The following SLC2A13 variants were observed in gnomAD, a reference collection of about 807,000 sequenced individuals.
SLC2A13 encodes proton myo-inositol cotransporter.
SLC2A13 carries 32 observed loss-of-function variants against 64.4 expected under a neutral mutation model. That is an observed-to-expected ratio of 0.50 (90% CI 0.37 to 0.67). The LOEUF (loss-of-function observed/expected upper bound fraction) is 0.67. SLC2A13 is among the 30% of genes least tolerant of loss of function. SLC2A13 has a pLI of 0.00. For synonymous variants in SLC2A13, 338 were observed against 327.1 expected (o/e 1.03, Z -0.36); for missense variants, 743 against 829.2 (o/e 0.90, Z 1.28).
intron 7 of SLC2A13, among the ~76,000 whole-genome samples, chr12:39,765,107 T>C (rs1485452294): frequency 1.3e-5 from 2 of 152,080 alleles, no homozygotes; most frequent in Non-Finnish European, 2.9e-5. Flanking sequence ...AAATTAGACA[T>C]GATTTCTAAT....
At chr12:40,063,690 C>T (rs1055078756) in intron 1 of SLC2A13, among the ~76,000 whole-genome samples, 1 of 152,054 alleles carries the variant, frequency 6.6e-6, no homozygotes, top group Admixed American at 6.6e-5. Flanking sequence ...TATTTATAAC[C>T]GGAAGAATGA....
At chr12:39,956,581 G>A (rs1202345623) in intron 3 of SLC2A13, among the ~76,000 whole-genome samples, 4 of 152,050 alleles carry the variant, frequency 2.6e-5, no homozygotes, top group Non-Finnish European at 4.4e-5. Flanking sequence ...AATATTCAAA[G>A]AGCATGATAT....
At chr12:39,816,129 T>C (rs1942332583) in intron 7 of SLC2A13, among the ~76,000 whole-genome samples, 1 of 152,222 alleles carries the variant, frequency 6.6e-6, no homozygotes, top group Non-Finnish European at 1.5e-5. Context: ...AACTAGAATT[T>C]GCCTATTCCT....
chr12:39,927,003 A>ACC (rs1945742218), intron 4 of SLC2A13, among the ~76,000 whole-genome samples: 2 of 152,210 alleles, frequency 1.3e-5, no homozygotes, highest in African/African-American at 2.4e-5. Context: ...AAGCTGGACA[A>ACC]TTGATAAAGC....
rs11173440 is a variant in SLC2A13, at chr12:39,755,580, G to T, written c.*4446C>A. ...GTCTCTTCTTTTTTAACCTTTAAAT[G>T]AGATGGAATAATGTTGTTTGCTAAA... On this transcript the variant is annotated 3_prime_UTR_variant, in exon 10 of 10. Transcript: ENST00000280871. The T allele has an allele frequency of 0.13, 20,334 of 151,924 alleles. 1,643 individuals are homozygous for T. Among genetic ancestry groups the T allele is most frequent in the East Asian group, 0.39 (2,055 of 5,284 alleles). 9.4% of individuals were successfully genotyped at this position (151,924 alleles called of 1,614,324 possible). A position where few individuals can be genotyped will look rare whatever the true frequency, so the allele number is the denominator to read the frequency against.
At chr12:40,058,264 C>T (rs937573776) in intron 1 of SLC2A13, among the ~76,000 whole-genome samples, 2 of 151,962 alleles carry the variant, frequency 1.3e-5, no homozygotes, top group Non-Finnish European at 1.5e-5. Flanking sequence ...GTCAGTTTTC[C>T]AATGTTTGAG....
chr12:40,079,548 G>A (rs142311376), intron 1 of SLC2A13, among the ~76,000 whole-genome samples: 2 of 152,300 alleles, frequency 1.3e-5, no homozygotes, highest in East Asian at 3.9e-4. Flanking sequence ...TAGAGTATGT[G>A]CCATGTGCAG....
At chr12:39,827,044 G>A (rs1468141031) in intron 7 of SLC2A13, among the ~76,000 whole-genome samples, 8 of 150,664 alleles carry the variant, frequency 5.3e-5, no homozygotes, top group South Asian at 2.1e-4. Flanking sequence ...TTTTGCACCA[G>A]CCTGATACTC....
chr12:39,895,926 G>GTATGCA (rs1565526803), intron 4 of SLC2A13, among the ~76,000 whole-genome samples: 27 of 136,624 alleles, frequency 2.0e-4, no homozygotes, highest in African/African-American at 6.5e-4. Context: ...GCATATATGT[G>GTATGCA]TATATGTGTA....
At chr12:39,785,032 T>G (rs1419807204) in intron 7 of SLC2A13, among the ~76,000 whole-genome samples, 1 of 152,140 alleles carries the variant, frequency 6.6e-6, no homozygotes, top group African/African-American at 2.4e-5. Context: ...CCTTATGATG[T>G]AGTAGAATAG....
At chr12:39,774,266 A>T (rs1940691421) in intron 7 of SLC2A13, among the ~76,000 whole-genome samples, 1 of 152,168 alleles carries the variant, frequency 6.6e-6, no homozygotes, top group African/African-American at 2.4e-5. Context: ...GAGATTTAGG[A>T]TGGTGTAAAT....
At chr12:40,004,536 G>A (rs779162215) in intron 3 of SLC2A13, among the ~76,000 whole-genome samples, 1 of 151,930 alleles carries the variant, frequency 6.6e-6, no homozygotes, top group Non-Finnish European at 1.5e-5. Context: ...TGGTATCTGA[G>A]GCGTATCCTG....
intron 7 of SLC2A13, among the ~76,000 whole-genome samples, chr12:39,827,680 C>A (rs11173764): frequency 0.083 from 12,570 of 152,030 alleles, 688 homozygotes; most frequent in Non-Finnish European, 0.1. Context: ...TAGAAGTCTG[C>A]TAAATAATTT....
chr12:40,012,731 C>T (rs1226866986), intron 3 of SLC2A13, among the ~76,000 whole-genome samples: 1 of 152,156 alleles, frequency 6.6e-6, no homozygotes, highest in Non-Finnish European at 1.5e-5. Flanking sequence ...ACACTGCTTC[C>T]AAAACACAAG....
At chr12:39,814,413 C>G (rs1317560395) in intron 7 of SLC2A13, among the ~76,000 whole-genome samples, 1 of 152,140 alleles carries the variant, frequency 6.6e-6, no homozygotes, top group Non-Finnish European at 1.5e-5. Context: ...AAGAACAACA[C>G]AAGAAGGCTT....
At chr12:39,843,305 GA>G (rs1261410115) in intron 6 of SLC2A13, among the ~76,000 whole-genome samples, 1 of 151,938 alleles carries the variant, frequency 6.6e-6, no homozygotes, top group Non-Finnish European at 1.5e-5. Context: ...GTTAATTGAA[GA>G]ATTTTATCAT....
chr12:39,786,403 GA>G, intron 7 of SLC2A13, among the ~76,000 whole-genome samples: 1 of 1,340 alleles, frequency 7.5e-4, no homozygotes, highest in Non-Finnish European at 1.9e-3. Context: ...CAGCCATGTG[GA>G]ACTGTGAGTC....
At chr12:40,043,965 A>T (rs1948134338) in intron 2 of SLC2A13, among the ~76,000 whole-genome samples, 1 of 152,230 alleles carries the variant, frequency 6.6e-6, no homozygotes, top group East Asian at 1.9e-4. Flanking sequence ...TACAGTTATC[A>T]TATGACCTAG....
chr12:40,023,511 A>T (rs1947756131), intron 3 of SLC2A13, among the ~76,000 whole-genome samples: 1 of 152,360 alleles, frequency 6.6e-6, no homozygotes, highest in Middle Eastern at 3.4e-3. Flanking sequence ...TATATAAAGC[A>T]CATGAAAACA....
Sources: allele counts gnomAD v4.1 joint callset (sites outside exome capture counted in the v4.1 genomes callset), GRCh38; gene constraint gnomAD v4.1.1; transcripts MANE v1.5; gene names NCBI Gene and HGNC (gene_info 2026-07-23, HGNC 2026-07-21).